SPRED1: variants seen among roughly 807,000 people sequenced by gnomAD.
SPRED1 encodes the protein sprouty-related, EVH1 domain-containing protein 1.
A neutral mutation model predicts 52.3 loss-of-function variants in SPRED1; 18 were observed. That is an observed-to-expected ratio of 0.34 (90% CI 0.24 to 0.51). The LOEUF is 0.51. Ranked by LOEUF, SPRED1 falls within the 20% of genes least tolerant of loss-of-function variation. SPRED1 has a pLI of 0.97. For synonymous variants in SPRED1, 155 were observed against 179.7 expected (o/e 0.86, Z 1.10); for missense variants, 485 against 551.0 (o/e 0.88, Z 1.20).
chr15:38,324,383 T>C (rs1421377077), intron 3 of SPRED1, among the ~76,000 whole-genome samples: 3 of 152,190 alleles, frequency 2.0e-5, no homozygotes, highest in Admixed American at 2.0e-4. Context: ...CTAAATACTG[T>C]TTCCTGGGTC....
chr15:38,277,879 T>C (rs1566852408), intron 1 of SPRED1, among the ~76,000 whole-genome samples: 3 of 150,634 alleles, frequency 2.0e-5, no homozygotes, highest in Non-Finnish European at 4.4e-5. Context: ...TGAGCATTTT[T>C]TCATGTGTTT....
At chr15:38,318,627 A>G (rs1292066081) in intron 2 of SPRED1, among the ~76,000 whole-genome samples, 1 of 151,972 alleles carries the variant, frequency 6.6e-6, no homozygotes, top group Non-Finnish European at 1.5e-5. Flanking sequence ...TATTATTGCC[A>G]TCTTTGTGTC....
intron 2 of SPRED1, among the ~76,000 whole-genome samples, chr15:38,319,567 C>T (rs531588488): frequency 1.3e-5 from 2 of 152,040 alleles, no homozygotes; most frequent in African/African-American, 2.4e-5. Context: ...TTAGTGGAGA[C>T]GGGTTTCACT....
At position 38,259,996 on chromosome 15, in the gene SPRED1, A is replaced by G. The variant is rs115061521; in HGVS notation, c.32+6779A>G. Among the ~76,000 whole-genome samples, 1,355 of 152,318 alleles carry G rather than the reference A, an allele frequency of 8.9e-3. 21 individuals carry two copies. The highest frequency in any genetic ancestry group is 0.031 in the African/African-American group (1,273 of 41,576). ...CAGAGTGTTTGCGGGCTTGAAGGAA[A>G]ATGTGACGTTCTTACTAATCTCAAC... On this transcript the variant is annotated intron_variant, in intron 1 of 6. Coordinates refer to ENST00000299084, the MANE Select transcript of SPRED1 (RefSeq NM_152594.3).
At chr15:38,286,649 T>C (rs1426673130) in intron 1 of SPRED1, among the ~76,000 whole-genome samples, 1 of 152,166 alleles carries the variant, frequency 6.6e-6, no homozygotes, top group African/African-American at 2.4e-5. Context: ...TTTTTATTGT[T>C]GTACATTACA....
chr15:38,286,684 A>G (rs1360626864), intron 1 of SPRED1, among the ~76,000 whole-genome samples: 1 of 152,118 alleles, frequency 6.6e-6, no homozygotes, highest in East Asian at 1.9e-4. Context: ...CCTTTACAGT[A>G]TTGATGAAGT....
At chr15:38,338,293 G>GTTTTT (rs1220501701) in intron 4 of SPRED1, among the ~76,000 whole-genome samples, 1 of 38,374 alleles carries the variant, frequency 2.6e-5, no homozygotes, top group South Asian at 9.1e-4. Context: ...ACCCATTTTT[G>GTTTTT]TTTTGTTTTG....
At chr15:38,333,388 A>G (rs1895844548) in intron 4 of SPRED1, among the ~76,000 whole-genome samples, 3 of 152,314 alleles carry the variant, frequency 2.0e-5, no homozygotes, top group South Asian at 4.1e-4. Context: ...AGACAGGTAC[A>G]TCAATATTTG....
At chr15:38,332,111 C>CT (rs1252459832) in intron 4 of SPRED1, among the ~76,000 whole-genome samples, 1 of 152,168 alleles carries the variant, frequency 6.6e-6, no homozygotes, top group Admixed American at 6.6e-5. Flanking sequence ...TGTGGATAGA[C>CT]TGCAATATAA....
At chr15:38,345,602 G>A (rs2056504) in intron 5 of SPRED1, among the ~76,000 whole-genome samples, 125,252 of 152,092 alleles carry the variant, frequency 0.82, 52,382 homozygotes, top group Non-Finnish European at 0.9. Flanking sequence ...AGTAGCATGA[G>A]CTTCATGTTT....
intron 2 of SPRED1, among the ~76,000 whole-genome samples, chr15:38,315,303 T>C (rs1895453381): frequency 4.6e-5 from 7 of 151,962 alleles, no homozygotes; most frequent in Admixed American, 4.6e-4. Flanking sequence ...TAACACTATT[T>C]GTGAACATAT....
At chr15:38,336,451 TTA>T (rs1566871780) in intron 4 of SPRED1, among the ~76,000 whole-genome samples, 1 of 136,948 alleles carries the variant, frequency 7.3e-6, no homozygotes, top group Non-Finnish European at 1.6e-5. Context: ...TATATATATG[TTA>T]TATATATAAT....
chr15:38,319,789 T>C (rs1895564929), intron 2 of SPRED1, among the ~76,000 whole-genome samples: 1 of 152,230 alleles, frequency 6.6e-6, no homozygotes, highest in South Asian at 2.1e-4. Context: ...AGTCACATTT[T>C]TGGTTATTTC....
chr15:38,262,635 C>T (rs1018896805), intron 1 of SPRED1, among the ~76,000 whole-genome samples: 2 of 152,022 alleles, frequency 1.3e-5, no homozygotes, highest in African/African-American at 4.8e-5. Context: ...TTTGTGCTTA[C>T]CTGTATATCA....
chr15:38,279,746 A>G (rs760081409), intron 1 of SPRED1, among the ~76,000 whole-genome samples: 3 of 152,206 alleles, frequency 2.0e-5, no homozygotes, highest in Non-Finnish European at 4.4e-5. Flanking sequence ...GTGCGTGTTA[A>G]TATTAGTGGT....
At chr15:38,273,580 A>G (rs1218339231) in intron 1 of SPRED1, among the ~76,000 whole-genome samples, 1 of 147,092 alleles carries the variant, frequency 6.8e-6, no homozygotes. Context: ...TTTTTCCTAT[A>G]GGATGTGTAG....
At chr15:38,340,658 A>G (rs1020129869) in intron 5 of SPRED1, among the ~76,000 whole-genome samples, 2 of 151,746 alleles carry the variant, frequency 1.3e-5, no homozygotes, top group Non-Finnish European at 2.9e-5. Context: ...TCAGCCTCCC[A>G]AGTAGCTGGG....
intron 1 of SPRED1, among the ~76,000 whole-genome samples, chr15:38,273,959 G>A (rs6495953): frequency 0.83 from 125,604 of 152,122 alleles, 52,602 homozygotes; most frequent in Non-Finnish European, 0.9. Context: ...AAATAATCCC[G>A]TCACTACTTC....
At chr15:38,327,381 G>C (rs1181911562) in intron 4 of SPRED1, among the ~76,000 whole-genome samples, 1 of 152,172 alleles carries the variant, frequency 6.6e-6, no homozygotes, top group African/African-American at 2.4e-5. Context: ...CTCTTCCTGA[G>C]TGTAGGCTGT....
Sources: gnomAD v4.1 joint callset for allele counts (sites outside exome capture counted in the v4.1 genomes callset) on GRCh38, gnomAD v4.1.1 for gene constraint, MANE v1.5 for transcripts, NCBI Gene and HGNC (gene_info 2026-07-23, HGNC 2026-07-21) for gene names.